Variants in CDC20B observed in about 807,000 individuals in gnomAD.
CDC20B encodes the protein cell division cycle 20B.
A neutral mutation model predicts 64.1 loss-of-function variants in CDC20B; 58 were observed. The ratio of observed to expected loss-of-function variants is 0.90; its 90% CI spans 0.73 to 1.13. CDC20B has a LOEUF of 1.13. Ranked by LOEUF, CDC20B falls within the 50% of genes most tolerant of loss-of-function variation. The pLI, the probability that CDC20B is intolerant of heterozygous loss-of-function variation, is 0.00. For synonymous variants in CDC20B, 243 were observed against 230.6 expected (o/e 1.05, Z -0.49); for missense variants, 597 against 633.0 (o/e 0.94, Z 0.61).
At chr5:55,144,817 T>C (rs1010059419) in intron 3 of CDC20B, among the ~76,000 whole-genome samples, 3 of 152,124 alleles carry the variant, frequency 2.0e-5, no homozygotes, top group Admixed American at 2.0e-4. Flanking sequence ...ACCTCTCAGG[T>C]TCTGTCCACA....
intron 4 of CDC20B, among the ~76,000 whole-genome samples, chr5:55,142,580 A>T (rs761165116): frequency 2.6e-5 from 4 of 152,168 alleles, no homozygotes; most frequent in Non-Finnish European, 4.4e-5. Context: ...TCAGCAGTAG[A>T]GGGTGGAAAA....
chr5:55,163,248 G>C (rs1010390458), intron 2 of CDC20B, among the ~76,000 whole-genome samples: 2 of 152,112 alleles, frequency 1.3e-5, no homozygotes, highest in Non-Finnish European at 2.9e-5. Context: ...GGCTGGGCAT[G>C]GTAGCTCATG....
chr5:55,133,149 A>T (rs1325253159), intron 6 of CDC20B, among the ~76,000 whole-genome samples: 1 of 152,236 alleles, frequency 6.6e-6, no homozygotes, highest in African/African-American at 2.4e-5. Context: ...CATACATAAG[A>T]ATAGACCATC....
chr5:55,137,382 T>C (rs1743209119), intron 5 of CDC20B: 7 of 345,160 alleles, frequency 2.0e-5, no homozygotes, highest in South Asian at 1.4e-4. Context: ...CTGCCTGCTG[T>C]AAGGTTTCAG....
chr5:55,168,436 G>C (rs932919678), intron 2 of CDC20B, among the ~76,000 whole-genome samples: 6 of 151,810 alleles, frequency 4.0e-5, no homozygotes, highest in African/African-American at 1.5e-4. Flanking sequence ...TGACATCCCA[G>C]TGTGTATCCC....
At chr5:55,131,786 TG>T (rs983449052) in intron 6 of CDC20B, among the ~76,000 whole-genome samples, 1 of 152,144 alleles carries the variant, frequency 6.6e-6, no homozygotes, top group African/African-American at 2.4e-5. Flanking sequence ...GCTGTGCGTC[TG>T]GGCATGGTGG....
intron 2 of CDC20B, among the ~76,000 whole-genome samples, chr5:55,163,631 C>G (rs569302450): frequency 6.6e-6 from 1 of 151,624 alleles, no homozygotes; most frequent in Non-Finnish European, 1.5e-5. Flanking sequence ...CTCAGCCTCC[C>G]GAGTAGCTGG....
intron 4 of CDC20B, among the ~76,000 whole-genome samples, chr5:55,142,195 T>C (rs1743348030): frequency 6.6e-6 from 1 of 152,138 alleles, no homozygotes; most frequent in Admixed American, 6.5e-5. Flanking sequence ...TCTGAAAGTC[T>C]CCACGGCTAT....
rs746978641 is a variant in CDC20B, at chr5:55,124,966, G to T, written c.1052C>A (p.Thr351Lys). The T allele has an allele frequency of 6.2e-7, 1 of 1,614,196 alleles. No homozygotes were observed. Residue 351 changes from threonine to lysine, a missense_variant, in exon 9 of 12, where the codon ACA (threonine) becomes AAA (lysine). By Grantham distance (78) the Thr-to-Lys change is moderately conservative (BLOSUM62 -1). Around this residue, in one of 3 missense-constraint regions of CDC20B, gnomAD observed 353 missense variants for 397.0 expected, o/e 0.89. Coordinates refer to ENST00000381375, the MANE Select transcript of CDC20B (RefSeq NM_001170402.1). ...ACACACAGCTTGCTTGTGGCGAAGTGTTCCAACATGATGCTGGGCTACCCG... is the reference window on the plus strand; with the variant it reads ...ACACACAGCTTGCTTGTGGCGAAGTTTTCCAACATGATGCTGGGCTACCCG... The part of the protein sequence containing the change: ...DVRVAQHHVG[T>K]LRHKQAVCAL...
At chr5:55,167,647 C>T (rs1744458249) in intron 2 of CDC20B, among the ~76,000 whole-genome samples, 1 of 151,808 alleles carries the variant, frequency 6.6e-6, no homozygotes, top group South Asian at 2.1e-4. Context: ...ATCACTTGAG[C>T]CCAGGAGTTA....
At chr5:55,151,837 A>G (rs1743675553) in intron 2 of CDC20B, among the ~76,000 whole-genome samples, 1 of 152,190 alleles carries the variant, frequency 6.6e-6, no homozygotes, top group African/African-American at 2.4e-5. Context: ...TAGGCAGCCA[A>G]TGGTAGCTAA....
intron 9 of CDC20B, among the ~76,000 whole-genome samples, chr5:55,122,078 A>G (rs2645032): frequency 0.99 from 150,514 of 152,304 alleles, 74,406 homozygotes; most frequent in Middle Eastern, 1. Flanking sequence ...CCACACTTCT[A>G]CTCCCACTAA....
rs1168453380 is a variant in CDC20B, at chr5:55,143,501, C to T, written c.486+12G>A. ...TAGATGTGGGATCTTCAGTTTTTTT[C>T]TCTTTACCTACCTGCCCTTTTGAGG... On this transcript the variant is annotated intron_variant, in intron 4 of 11. Coordinates refer to ENST00000381375, the MANE Select transcript of CDC20B (RefSeq NM_001170402.1). The T allele has an allele frequency of 6.4e-7, 1 of 1,570,334 alleles. No homozygotes were observed.
At chr5:55,128,316 A>G (rs997909244) in intron 7 of CDC20B, 105 bp downstream of exon 7, 9 of 823,458 alleles carry the variant, frequency 1.1e-5, no homozygotes, top group African/African-American at 7.4e-5. Flanking sequence ...ATACTTCAAG[A>G]GCCACACCTA....
chr5:55,117,493 T>A (rs150980687), intron 11 of CDC20B, among the ~76,000 whole-genome samples: 1 of 152,192 alleles, frequency 6.6e-6, no homozygotes, highest in Admixed American at 6.5e-5. Flanking sequence ...CACTTTTTAT[T>A]GCTGATCTTG....
chr5:55,153,190 G>C (rs1167996097), intron 2 of CDC20B, among the ~76,000 whole-genome samples: 1 of 131,416 alleles, frequency 7.6e-6, no homozygotes, highest in Non-Finnish European at 1.5e-5. Context: ...AGTGAGCCAA[G>C]ATCGTGCTAC....
Position 55,170,162 on chromosome 5 carries a change from T to C in CDC20B, c.126+2426A>G, listed in dbSNP as rs372138279. 3.3e-5 allele frequency among the ~76,000 whole-genome samples: 5 copies of C among 152,058 alleles called. No individual in the cohort carries two copies. In the South Asian group the frequency reaches 1.0e-3, roughly 31 times the overall value. Reference sequence around the variant, plus strand: ...ATAATGCAGAAAGAATCCTAAAGACTTCACTGAAAATCTGGGGACACATTG... The same window carrying C: ...ATAATGCAGAAAGAATCCTAAAGACCTCACTGAAAATCTGGGGACACATTG... On this transcript the variant is annotated intron_variant, in intron 2 of 11. Coordinates refer to ENST00000381375, the MANE Select transcript of CDC20B (RefSeq NM_001170402.1).
Position 55,146,799 on chromosome 5 carries a change from G to C in CDC20B, c.184C>G (p.Leu62Val). 1 of 1,614,140 alleles carries C rather than the reference G, an allele frequency of 6.2e-7. No homozygotes were observed. The highest frequency in any genetic ancestry group is 8.5e-7 in the Non-Finnish European group (1 of 1,180,016). ...SDFKSNFAKRLSAEVPVASSP... is the reference protein window; with the variant it reads ...SDFKSNFAKRVSAEVPVASSP... ...CTCGCAACAGGAACCTCTGCGGACAGCCTCTTCGCAAAGTTGCTCTTAAAG... is the reference window on the plus strand; with the variant it reads ...CTCGCAACAGGAACCTCTGCGGACACCCTCTTCGCAAAGTTGCTCTTAAAG... The change falls in exon 3 of 12, where the codon CTG (leucine) becomes GTG (valine). Residue 62 changes from leucine (L) to valine (V), a missense_variant. By Grantham distance (32) the Leu-to-Val change is conservative. This residue lies in a region of CDC20B where 241 missense variants were observed against 219.2 expected (regional missense o/e 1.10). Coordinates refer to ENST00000381375, the MANE Select transcript of CDC20B (RefSeq NM_001170402.1).
At chr5:55,147,345 T>A (rs1743523083) in intron 2 of CDC20B, among the ~76,000 whole-genome samples, 1 of 142,416 alleles carries the variant, frequency 7.0e-6, no homozygotes, top group Non-Finnish European at 1.5e-5. Context: ...TTGTTTTATA[T>A]ATTTATATAT....
Sources: allele counts gnomAD v4.1 joint callset (sites outside exome capture counted in the v4.1 genomes callset), GRCh38; gene constraint gnomAD v4.1.1; regional missense constraint gnomAD v4.1.1; transcripts MANE v1.5; gene names NCBI Gene and HGNC (gene_info 2026-07-23, HGNC 2026-07-21).